Variants in KLF12 observed in about 807,000 individuals in gnomAD.
The protein encoded by KLF12 is Krueppel-like factor 12.
A neutral mutation model predicts 37.8 loss-of-function variants in KLF12; 9 were observed. The ratio of observed to expected loss-of-function variants is 0.24; its 90% CI spans 0.14 to 0.42. KLF12 has a LOEUF of 0.42. Among genes scored for constraint, KLF12 ranks in the 10% least tolerant of loss-of-function variants. KLF12 has a pLI of 1.00. For missense variants in KLF12, 411 were observed against 516.0 expected (o/e 0.80, Z 1.97); for synonymous variants, 208 against 202.1 (o/e 1.03, Z -0.25).
At chr13:73,962,670 C>G (rs1417588627) in intron 2 of KLF12, among the ~76,000 whole-genome samples, 1 of 152,146 alleles carries the variant, frequency 6.6e-6, no homozygotes, top group African/African-American at 2.4e-5. Context: ...TTAAAAATCT[C>G]TTCGCAAGTT....
chr13:73,710,171 G>T (rs1875258985), intron 7 of KLF12, among the ~76,000 whole-genome samples: 2 of 152,248 alleles, frequency 1.3e-5, no homozygotes, highest in East Asian at 3.9e-4. Context: ...TTAAGGGACA[G>T]CTCCAACCAC....
chr13:73,955,820 T>C (rs1313823122), intron 2 of KLF12, among the ~76,000 whole-genome samples: 2 of 152,166 alleles, frequency 1.3e-5, no homozygotes, highest in African/African-American at 2.4e-5. Context: ...AGGAAATAAG[T>C]TGCTAAATTT....
At chr13:73,910,683 G>T (rs934936175) in intron 3 of KLF12, among the ~76,000 whole-genome samples, 1 of 152,068 alleles carries the variant, frequency 6.6e-6, no homozygotes, top group Non-Finnish European at 1.5e-5. Flanking sequence ...TAATAATAAT[G>T]CACTGAATAT....
intron 4 of KLF12, among the ~76,000 whole-genome samples, chr13:73,816,382 C>T (rs61259992): frequency 0.013 from 1,956 of 152,250 alleles, 33 homozygotes; most frequent in African/African-American, 0.044. Context: ...AAAATTTACA[C>T]TTAAGATTTT....
intron 5 of KLF12, among the ~76,000 whole-genome samples, chr13:73,803,684 T>C (rs148717111): frequency 1.3e-5 from 2 of 152,026 alleles, no homozygotes; most frequent in Admixed American, 6.6e-5. Context: ...TTAAAACCAG[T>C]GTCTGATGGA....
chr13:73,815,676 A>G (rs1342626826), intron 4 of KLF12, among the ~76,000 whole-genome samples: 1 of 152,186 alleles, frequency 6.6e-6, no homozygotes. Context: ...AGTTGTTGAA[A>G]CATCATGCAC....
chr13:73,840,201 G>A (rs771646302), intron 4 of KLF12, among the ~76,000 whole-genome samples: 4 of 152,048 alleles, frequency 2.6e-5, no homozygotes, highest in East Asian at 1.9e-4. Flanking sequence ...TTGAAAACAC[G>A]CTCCACCTGC....
At chr13:74,070,366 C>A (rs758578472) in intron 1 of KLF12, among the ~76,000 whole-genome samples, 1 of 152,218 alleles carries the variant, frequency 6.6e-6, no homozygotes, top group Non-Finnish European at 1.5e-5. Context: ...TACACTCAGG[C>A]ACCTTGAGTT....
the KLF12 span, among the ~76,000 whole-genome samples, chr13:74,223,691 C>T: frequency 6.6e-6 from 1 of 152,176 alleles, no homozygotes; most frequent in African/African-American, 2.4e-5. Context: ...GGCTGAACTG[C>T]ATCAATATTA....
At chr13:73,720,293 G>C (rs545013794) in intron 6 of KLF12, among the ~76,000 whole-genome samples, 11 of 152,136 alleles carry the variant, frequency 7.2e-5, no homozygotes, top group African/African-American at 2.7e-4. Context: ...CCTTTGTTCA[G>C]AAGGCACCTG....
intron 1 of KLF12, among the ~76,000 whole-genome samples, chr13:74,047,600 TAA>T (rs10594023): frequency 0.69 from 100,638 of 146,302 alleles, 34,299 homozygotes; most frequent in East Asian, 0.85. Context: ...CCATCTCAAA[TAA>T]AAAAAAAAAA....
chr13:74,234,018 C>T, the KLF12 span, among the ~76,000 whole-genome samples: 781 of 152,216 alleles, frequency 5.1e-3, 11 homozygotes, highest in African/African-American at 0.018. Flanking sequence ...ATGAAAGTAT[C>T]AGTATTGGCT....
intron 2 of KLF12, among the ~76,000 whole-genome samples, chr13:73,944,364 A>G (rs930609562): frequency 2.6e-5 from 4 of 152,232 alleles, no homozygotes; most frequent in African/African-American, 9.6e-5. Flanking sequence ...ATGGGGCTGC[A>G]ACAATTCATC....
chr13:73,985,566 C>T (rs1172709265), intron 2 of KLF12, among the ~76,000 whole-genome samples: 3 of 152,162 alleles, frequency 2.0e-5, no homozygotes, highest in Non-Finnish European at 4.4e-5. Flanking sequence ...CTACCATCCC[C>T]TTTTTACTTA....
chr13:74,290,970 A>G, the KLF12 span, among the ~76,000 whole-genome samples: 1 of 152,232 alleles, frequency 6.6e-6, no homozygotes, highest in Admixed American at 6.5e-5. Flanking sequence ...GCTTAGCTGA[A>G]TATTGTCCCA....
At chr13:73,904,279 T>C (rs2139104956) in intron 3 of KLF12, among the ~76,000 whole-genome samples, 1 of 152,312 alleles carries the variant, frequency 6.6e-6, no homozygotes, top group East Asian at 1.9e-4. Context: ...TGCAACAAAT[T>C]TGTTTTCTGG....
At chr13:73,699,258 A>T (rs1381462294) in intron 7 of KLF12, among the ~76,000 whole-genome samples, 2 of 149,838 alleles carry the variant, frequency 1.3e-5, no homozygotes, top group African/African-American at 4.9e-5. Context: ...AGTGGCTCAC[A>T]TCTGCAGCCC....
chr13:74,129,311 A>G (rs1878129405), intron 1 of KLF12, among the ~76,000 whole-genome samples: 1 of 151,982 alleles, frequency 6.6e-6, no homozygotes, highest in African/African-American at 2.4e-5. Context: ...CAATTGATTG[A>G]CTCCCTTAAT....
intron 2 of KLF12, among the ~76,000 whole-genome samples, chr13:73,985,671 T>C (rs1187424817): frequency 6.6e-6 from 1 of 152,178 alleles, no homozygotes; most frequent in African/African-American, 2.4e-5. Flanking sequence ...ATGCCAGCTA[T>C]TAGCACTCTA....
Sources: allele counts gnomAD v4.1 joint callset (sites outside exome capture counted in the v4.1 genomes callset), GRCh38; gene constraint gnomAD v4.1.1; transcripts MANE v1.5; gene names NCBI Gene and HGNC (gene_info 2026-07-23, HGNC 2026-07-21).